Variants in IAH1 observed in about 807,000 individuals in gnomAD.
The protein encoded by IAH1 is isoamyl acetate hydrolyzing esterase 1 (putative), also known as isoamyl acetate-hydrolyzing esterase 1 homolog.
In IAH1, 24 loss-of-function variants were observed where a neutral mutation model predicts 26.7. The observed-to-expected ratio is 0.90, with a 90% CI of 0.65 to 1.26. The LOEUF is 1.26. Among genes scored for constraint, IAH1 ranks in the 50% most tolerant of loss-of-function variants. The pLI is 0.00. For synonymous variants in IAH1, 140 were observed against 118.5 expected (o/e 1.18, Z -1.18); for missense variants, 300 against 299.9 (o/e 1.00, Z 0.00).
chr2:9,509,962 TCTC>T, the IAH1 span: 1 of 1,613,050 alleles, frequency 6.2e-7, no homozygotes. Flanking sequence ...CATAAAAAAT[TCTC>T]GACACACACA....
At chr2:9,497,891 ATATATT>A (rs1662726483), downstream of IAH1, among the ~76,000 whole-genome samples, 1 of 152,090 alleles carries the variant, frequency 6.6e-6, no homozygotes, top group Admixed American at 6.6e-5. Flanking sequence ...ATTTATATAT[ATATATT>A]TAATGTTATT....
At chr2:9,502,496 G>C in the IAH1 span, among the ~76,000 whole-genome samples, 2 of 152,118 alleles carry the variant, frequency 1.3e-5, no homozygotes, top group Admixed American at 6.5e-5. Flanking sequence ...CACACTATAG[G>C]AGAAAAGAAT....
intron 4 of IAH1, 133 bp downstream of exon 4, chr2:9,481,580 A>G (rs1017995645): frequency 1.3e-6 from 1 of 767,298 alleles, no homozygotes; most frequent in Non-Finnish European, 2.1e-6. Context: ...TCTGTTTTCA[A>G]TCCAAAATTA....
At chr2:9,474,538 GGCCCC>G (rs561437641), upstream of IAH1, 1,214 of 1,290,772 alleles carry the variant, frequency 9.4e-4, 10 homozygotes, top group African/African-American at 0.013. The surrounding 1 kb of genome is among the most constrained non-coding windows in gnomAD (Gnocchi z 4.3). Flanking sequence ...CGTGGCTGGC[GGCCCC>G]GCCCCGCCCC....
intron 2 of IAH1, among the ~76,000 whole-genome samples, chr2:9,477,243 C>T (rs1311692440): frequency 6.6e-6 from 1 of 152,146 alleles, no homozygotes; most frequent in Non-Finnish European, 1.5e-5. Flanking sequence ...CTGCCTGACG[C>T]TGTGGCCTGC....
chr2:9,490,498 G>A (rs202041986), downstream of IAH1: 2 of 1,613,074 alleles, frequency 1.2e-6, no homozygotes, highest in East Asian at 2.2e-5. Context: ...CAGAATCCAT[G>A]CTGCTCAGCA....
At chr2:9,508,086 C>T in the IAH1 span, among the ~76,000 whole-genome samples, 91,529 of 152,036 alleles carry the variant, frequency 0.6, 29,293 homozygotes, top group African/African-American at 0.77. Flanking sequence ...GCATGTCCAC[C>T]CAGGCAGTCT....
chr2:9,507,456 C>G, the IAH1 span, among the ~76,000 whole-genome samples: 1 of 152,062 alleles, frequency 6.6e-6, no homozygotes, highest in Non-Finnish European at 1.5e-5. Flanking sequence ...GAGCAGAGAT[C>G]ACACCACTGC....
downstream of IAH1, chr2:9,490,327 A>G (rs1662020591): frequency 6.2e-7 from 1 of 1,613,916 alleles, no homozygotes; most frequent in Non-Finnish European, 8.5e-7. Context: ...TCTCAAACCC[A>G]TCCTCGTCCA....
chr2:9,487,788 TTGTGTGTGTGTG>T lies in IAH1; in HGVS notation c.565-324_565-313del, dbSNP rs70948823. ...GTTATACCCTCCCTCCCCGGCCTTT[TTGTGTGTGTGTG>T]TGTGTGTGTGTGTGTGTGTGTGTGT... On this transcript the variant is annotated intron_variant, in intron 5 of 5. Transcript: ENST00000497473. Among the ~76,000 whole-genome samples, 577 of 134,010 alleles carry T rather than the reference TTGTGTGTGTGTG, an allele frequency of 4.3e-3. 3 individuals are homozygous for T. Among genetic ancestry groups the T allele is most frequent in the African/African-American group, 0.013 (445 of 34,512 alleles). 87.9% of individuals were successfully genotyped at this position (134,010 alleles called of 152,430 possible).
downstream of IAH1, chr2:9,490,554 A>AAAAG (rs772949858): frequency 1.3e-6 from 2 of 1,573,124 alleles, no homozygotes; most frequent in South Asian, 2.3e-5. Context: ...TGATAGGAAT[A>AAAAG]AAAGATGAAT....
chr2:9,476,061 T>TG (rs1396281388), intron 2 of IAH1, 22 bp downstream of exon 2: 22 of 1,592,872 alleles, frequency 1.4e-5, no homozygotes, highest in Non-Finnish European at 1.7e-5. Flanking sequence ...TTCCGATACT[T>TG]GAGTTCTTAT....
downstream of IAH1, chr2:9,490,565 C>T (rs757617504): frequency 2.5e-5 from 39 of 1,532,968 alleles, no homozygotes; most frequent in African/African-American, 4.1e-5. Context: ...AAAGATGAAT[C>T]GGAGGTCCTC....
At chr2:9,491,040 CTT>C, downstream of IAH1, 1 of 1,495,716 alleles carries the variant, frequency 6.7e-7, no homozygotes, top group East Asian at 2.3e-5. Flanking sequence ...AGGTGAAGGT[CTT>C]TGCCTAACAG....
chr2:9,475,638 T>A (rs1408763299), intron 1 of IAH1: 2 of 309,992 alleles, frequency 6.5e-6, no homozygotes, highest in Non-Finnish European at 1.2e-5. Context: ...GTAGCTGGGA[T>A]TATAGACGTG....
At chr2:9,490,523 A>G, downstream of IAH1, 1 of 1,608,804 alleles carries the variant, frequency 6.2e-7, no homozygotes, top group Non-Finnish European at 8.5e-7. Flanking sequence ...GACGTTCTGC[A>G]AAGACATGGG....
chr2:9,501,179 A>G (rs1558500183), downstream of IAH1, among the ~76,000 whole-genome samples: 1 of 152,218 alleles, frequency 6.6e-6, no homozygotes, highest in Non-Finnish European at 1.5e-5. Context: ...TCACAGGAGA[A>G]ATCTGAATAG....
the IAH1 span, among the ~76,000 whole-genome samples, chr2:9,503,083 T>C: frequency 1.4e-5 from 2 of 141,284 alleles, no homozygotes; most frequent in African/African-American, 5.4e-5. Flanking sequence ...GAGGTTGCGG[T>C]GAGCCAAGAT....
chr2:9,501,207 A>C (rs1662982107), downstream of IAH1, among the ~76,000 whole-genome samples: 2 of 152,194 alleles, frequency 1.3e-5, no homozygotes, highest in East Asian at 1.9e-4. Flanking sequence ...ATATAAAGAG[A>C]TGCTCAAGAA....
Sources: gnomAD v4.1 joint callset for allele counts (sites outside exome capture counted in the v4.1 genomes callset) on GRCh38, gnomAD v4.1.1 for gene constraint, Gnocchi (gnomAD v3.1) non-coding constraint, MANE v1.5 for transcripts, NCBI Gene and HGNC (gene_info 2026-07-23, HGNC 2026-07-21) for gene names.